TLX1: variants seen among roughly 807,000 people sequenced by gnomAD.
The protein encoded by TLX1 is T-cell leukemia homeobox protein 1.
TLX1 carries 6 observed loss-of-function variants against 26.5 expected under a neutral mutation model. The observed-to-expected ratio is 0.23, with a 90% CI of 0.12 to 0.45. The LOEUF is 0.45. Ranked by LOEUF, TLX1 falls within the 20% of genes least tolerant of loss-of-function variation. The pLI is 0.99. For synonymous variants in TLX1, 217 were observed against 219.7 expected (o/e 0.99, Z 0.11); for missense variants, 418 against 482.6 (o/e 0.87, Z 1.25).
At chr10:101,135,501 G>A (rs1940276624) in intron 2 of TLX1, 1 of 154,366 alleles carries the variant, frequency 6.5e-6, no homozygotes, top group African/African-American at 2.4e-5. Flanking sequence ...GGGCTAGCTC[G>A]GGGGTTGGGG....
At chr10:101,135,401 A>G (rs1249830733) in intron 2 of TLX1, 1 of 154,470 alleles carries the variant, frequency 6.5e-6, no homozygotes, top group Non-Finnish European at 1.5e-5. Flanking sequence ...AAAGGAAGCC[A>G]TGGCCCCACG....
Position 101,131,825 on chromosome 10 carries a change from G to T in TLX1, c.284G>T (p.Gly95Val). Reference sequence around the variant, plus strand: ...GGCGGCGGCGGCGCCTGCAGCATGGGTCCTCTGACCGGCTCCTACAACGTG... The same window carrying T: ...GGCGGCGGCGGCGCCTGCAGCATGGTTCCTCTGACCGGCTCCTACAACGTG... ...PAGGGGACSM[G>V]PLTGSYNVNM... Residue 95 changes from glycine to valine, a missense_variant, in exon 1 of 3, where the codon GGT becomes GTT. Physicochemically the swap from Gly to Val is moderately radical, Grantham distance 109. Coordinates refer to ENST00000370196, the MANE Select transcript of TLX1 (RefSeq NM_005521.4). The T allele has an allele frequency of 7.1e-7, 1 of 1,403,954 alleles. No homozygotes were observed. Among genetic ancestry groups the T allele is most frequent in the Non-Finnish European group, 9.2e-7 (1 of 1,086,408 alleles). 87.0% of individuals were successfully genotyped at this position (1,403,954 alleles called of 1,614,324 possible).
At position 101,134,287 on chromosome 10, in the gene TLX1, C is replaced by T. The variant is rs1201258601; in HGVS notation, c.681C>T (p.Ala227=). 1.2e-6 allele frequency: 2 copies of T among 1,612,406 alleles called. No homozygotes were observed. The highest frequency in any genetic ancestry group is 1.7e-6 in the Non-Finnish European group (2 of 1,179,540). The stretch of plus-strand genomic sequence containing the variant: ...GCTTCCACCGCCAGAAGTACCTGGC[C>T]TCGGCCGAGCGCGCCGCCCTGGCCA... The part of the protein sequence containing the change: ...EKRFHRQKYL[A]SAERAALAKA... Residue 227 remains alanine, a synonymous_variant, in exon 2 of 3, where the codon GCC becomes GCT. Transcript: ENST00000370196.
At chr10:101,134,514 G>C in intron 2 of TLX1, 138 bp downstream of exon 2, 1 of 1,033,042 alleles carries the variant, frequency 9.7e-7, no homozygotes, top group Non-Finnish European at 1.4e-6. Flanking sequence ...CTCCCGCTAG[G>C]CTTGCGGGGA....
intron 1 of TLX1, 107 bp from the exon 2 acceptor site, chr10:101,134,068 G>A (rs947358832): frequency 3.8e-6 from 4 of 1,045,436 alleles, no homozygotes; most frequent in Non-Finnish European, 4.1e-6. Flanking sequence ...CTGACTCGCG[G>A]GGTGTTGGGC....
At position 101,137,490 on chromosome 10, in the gene TLX1, A is replaced by G; in HGVS notation, c.*577A>G. 1 of 238,686 alleles carries G rather than the reference A, an allele frequency of 4.2e-6. No individual in the cohort carries two copies. Among genetic ancestry groups the G allele is most frequent in the Non-Finnish European group, 8.2e-6 (1 of 121,498 alleles). 14.8% of individuals were successfully genotyped at this position (238,686 alleles called of 1,614,324 possible). ...GTGACACAGACTCATCCTGAACAGC[A>G]TGGCACTCCCTCCAGCACAAACACA... On this transcript the variant is annotated 3_prime_UTR_variant, in exon 3 of 3. Coordinates refer to ENST00000370196, the MANE Select transcript of TLX1 (RefSeq NM_005521.4).
In TLX1 at chr10:101,132,432, G is replaced by A. The variant is rs2134302091; in HGVS notation, c.568+323G>A. Among the ~76,000 whole-genome samples, 1 of 152,322 alleles carries A rather than the reference G, an allele frequency of 6.6e-6. No homozygotes were observed. Among genetic ancestry groups the A allele is most frequent in the East Asian group, 1.9e-4 (1 of 5,184 alleles). On this transcript the variant is annotated intron_variant, in intron 1 of 2. Coordinates refer to ENST00000370196, the MANE Select transcript of TLX1 (RefSeq NM_005521.4). The surrounding 1 kb of genome is among the most constrained non-coding windows in gnomAD (Gnocchi z 4.1). The stretch of plus-strand genomic sequence containing the variant: ...AGGACCACCTTCTGCAGCTACTCTT[G>A]GCCTGGGAATCTTAGAGAAAGGGGT...
chr10:101,135,709 G>T (rs1161688740), intron 2 of TLX1, among the ~76,000 whole-genome samples: 1 of 152,204 alleles, frequency 6.6e-6, no homozygotes, highest in Non-Finnish European at 1.5e-5. Context: ...GCAGCCTGCA[G>T]AAGTCTTATT....
In TLX1 at chr10:101,136,653, C is replaced by T. The variant is rs754968303; in HGVS notation, c.771-38C>T. On this transcript the variant is annotated intron_variant, in intron 2 of 2. Coordinates refer to ENST00000370196, the MANE Select transcript of TLX1 (RefSeq NM_005521.4). The stretch of plus-strand genomic sequence containing the variant: ...AGTTGGGCACACGCGGGAGCTGGGT[C>T]GGTGCTCCTGGCAGGTAACGGCTTG... 17 of 1,612,518 alleles carry T rather than the reference C, an allele frequency of 1.1e-5. No homozygotes were observed. In the African/African-American group the frequency reaches 1.6e-4, roughly 15 times the overall value.
chr10:101,131,371 C>T lies in TLX1; in HGVS notation c.-171C>T. 1 of 438,028 alleles carries T rather than the reference C, an allele frequency of 2.3e-6. No homozygotes were observed. The highest frequency in any genetic ancestry group is 3.9e-6 in the Non-Finnish European group (1 of 254,404). The allele number at this position is 438,028 out of a possible 1,614,324, so 27.1% of individuals were successfully genotyped here. Reference sequence around the variant, plus strand: ...GAAGCCAGAGAGGGGAAGAATACGGCGCCCCCTCTCTCCCTCCCCTCCCCC... The same window carrying T: ...GAAGCCAGAGAGGGGAAGAATACGGTGCCCCCTCTCTCCCTCCCCTCCCCC... On this transcript the variant is annotated 5_prime_UTR_variant, in exon 1 of 3. Transcript: ENST00000370196.
intron 2 of TLX1, chr10:101,135,298 G>C (rs986300953): frequency 6.5e-6 from 1 of 153,518 alleles, no homozygotes; most frequent in Non-Finnish European, 1.5e-5. Context: ...GCGCCGAGAC[G>C]GGCGGGCCTT....
intron 2 of TLX1, among the ~76,000 whole-genome samples, chr10:101,135,700 C>A (rs11190842): frequency 0.096 from 14,653 of 152,208 alleles, 905 homozygotes; most frequent in East Asian, 0.19. Context: ...GAAAAACAGG[C>A]AGCCTGCAGA....
chr10:101,136,796 C>A lies in TLX1; in HGVS notation c.876C>A (p.Pro292=), dbSNP rs781495175. Residue 292 remains proline, a synonymous_variant, in exon 3 of 3, where the codon CCC becomes CCA. Transcript: ENST00000370196. Reference sequence around the variant, plus strand: ...AGAAGAGCCTGGCACAGCCGCTGCCCGCTGACCCTCTGTGCGTGCACAACT... The same window carrying A: ...AGAAGAGCCTGGCACAGCCGCTGCCAGCTGACCCTCTGTGCGTGCACAACT... ...AFQKSLAQPL[P]ADPLCVHNSS... 18 of 1,613,428 alleles carry A rather than the reference C, an allele frequency of 1.1e-5. No individual in the cohort carries two copies. The highest frequency in any genetic ancestry group is 1.4e-5 in the Non-Finnish European group (17 of 1,180,038).
chr10:101,132,200 C>T lies in TLX1; in HGVS notation c.568+91C>T, dbSNP rs1940194036. 8.8e-7 allele frequency: 1 copy of T among 1,135,240 alleles called. No homozygotes were observed. Among genetic ancestry groups the T allele is most frequent in the Non-Finnish European group, 1.1e-6 (1 of 888,484 alleles). The allele number at this position is 1,135,240 out of a possible 1,614,324, so 70.3% of individuals were successfully genotyped here. A position where few individuals can be genotyped will look rare whatever the true frequency, so the allele number is the denominator to read the frequency against. On this transcript the variant is annotated intron_variant, in intron 1 of 2. Coordinates refer to ENST00000370196, the MANE Select transcript of TLX1 (RefSeq NM_005521.4). This position sits in a 1 kb window ranked among gnomAD's most constrained non-coding sequence, Gnocchi z 4.1. Reference sequence around the variant, plus strand: ...GGGTGGCTCCCCAAAGCCGGTTCTGCGCTCCAGGTCGCCCAGCTCTTCTTG... The same window carrying T: ...GGGTGGCTCCCCAAAGCCGGTTCTGTGCTCCAGGTCGCCCAGCTCTTCTTG...
rs776369556 is a variant in TLX1 at position 101,132,035 on chromosome 10, G to A, written c.494G>A (p.Gly165Asp). 6.6e-7 allele frequency: 1 copy of A among 1,518,398 alleles called. No homozygotes were observed. The highest frequency in any genetic ancestry group is 1.2e-5 in the South Asian group (1 of 80,592). 94.1% of individuals were successfully genotyped at this position (1,518,398 alleles called of 1,614,324 possible). ...GTGCCCTCTGTGCCTGCCATGCCGG[G>A]CGTCAACAACCTCACTGGCCTCACC... The part of the protein sequence containing the change: ...PTVPSVPAMP[G>D]VNNLTGLTFP... Residue 165 changes from glycine (G) to aspartate (D), a missense_variant, in exon 1 of 3, where the codon GGC becomes GAC. By Grantham distance (94) the Gly-to-Asp change is moderately conservative. This residue lies in a region of TLX1 where 322 missense variants were observed against 344.6 expected (regional missense o/e 0.93). Coordinates refer to ENST00000370196, the MANE Select transcript of TLX1 (RefSeq NM_005521.4). This position sits in a 1 kb window ranked among gnomAD's most constrained non-coding sequence, Gnocchi z 4.1.
At position 101,131,445 on chromosome 10, in the gene TLX1, C is replaced by T; in HGVS notation, c.-97C>T. On this transcript the variant is annotated 5_prime_UTR_variant, in exon 1 of 3. An upstream open reading frame in the 5' UTR gains an earlier in-frame stop. Coordinates refer to ENST00000370196, the MANE Select transcript of TLX1 (RefSeq NM_005521.4). ...CTTCGCTTCCAAGTCTCCGCGCAGCCAGGAGCCGCTGTTGCCTCCCAGCCC... is the reference window on the plus strand; with the variant it reads ...CTTCGCTTCCAAGTCTCCGCGCAGCTAGGAGCCGCTGTTGCCTCCCAGCCC... 9.8e-7 allele frequency: 1 copy of T among 1,020,586 alleles called. No homozygotes were observed. The highest frequency in any genetic ancestry group is 2.8e-5 in the South Asian group (1 of 35,272). The allele number at this position is 1,020,586 out of a possible 1,614,324, so 63.2% of individuals were successfully genotyped here.
chr10:101,134,199 C>A lies in TLX1; in HGVS notation c.593C>A (p.Pro198His), dbSNP rs769684081. Residue 198 changes from proline to histidine, a missense_variant, in exon 2 of 3, where the codon CCC (proline) becomes CAC (histidine). Transcript: ENST00000370196. ...GGTCACCCCTATCAGAACCGGACGC[C>A]CCCCAAGAAGAAGAAGCCGCGCACG... Reference protein sequence around the residue: ...FTGHPYQNRTPPKKKKPRTSF... With the variant: ...FTGHPYQNRTHPKKKKPRTSF... 6.2e-7 allele frequency: 1 copy of A among 1,608,844 alleles called. No individual in the cohort carries two copies. The highest frequency in any genetic ancestry group is 8.5e-7 in the Non-Finnish European group (1 of 1,177,900).
chr10:101,137,214 G>T lies in TLX1; in HGVS notation c.*301G>T. 2.4e-6 allele frequency: 1 copy of T among 419,566 alleles called. No individual in the cohort carries two copies. The highest frequency in any genetic ancestry group is 3.4e-5 in the South Asian group (1 of 29,794). The allele number at this position is 419,566 out of a possible 1,614,324, so 26.0% of individuals were successfully genotyped here. A position where few individuals can be genotyped will look rare whatever the true frequency, so the allele number is the denominator to read the frequency against. On this transcript the variant is annotated 3_prime_UTR_variant, in exon 3 of 3. Coordinates refer to ENST00000370196, the MANE Select transcript of TLX1 (RefSeq NM_005521.4). ...TTTTTAACGTGGGATTCAGAGAAAGGCAAGGGAGGTAAGGGAGGAGGAGCT... is the reference window on the plus strand; with the variant it reads ...TTTTTAACGTGGGATTCAGAGAAAGTCAAGGGAGGTAAGGGAGGAGGAGCT...
rs770379996 is a variant in TLX1 at position 101,136,951 on chromosome 10, C to G, written c.*38C>G. 1.9e-5 allele frequency: 30 copies of G among 1,605,760 alleles called. No individual in the cohort carries two copies. Among genetic ancestry groups the G allele is most frequent in the Non-Finnish European group, 2.6e-5 (30 of 1,174,748 alleles). The stretch of plus-strand genomic sequence containing the variant: ...TGCCCTGTGGGACCCCAGGCCCACT[C>G]AGGGGTCACTGAGGCCTGAGACCCA... On this transcript the variant is annotated 3_prime_UTR_variant, in exon 3 of 3. Transcript: ENST00000370196.
Sources: gnomAD v4.1 joint callset for allele counts (sites outside exome capture counted in the v4.1 genomes callset) on GRCh38, gnomAD v4.1.1 for gene constraint, gnomAD v4.1.1 regional missense constraint, Gnocchi (gnomAD v3.1) non-coding constraint, MANE v1.5 for transcripts, NCBI Gene and HGNC (gene_info 2026-07-23, HGNC 2026-07-21) for gene names.